The following ZMYND8 variants were observed in gnomAD, a reference collection of about 807,000 sequenced individuals.
ZMYND8 encodes the protein zinc finger MYND-type containing 8.
A neutral mutation model predicts 140.8 loss-of-function variants in ZMYND8; 37 were observed. That is an observed-to-expected ratio of 0.26 (90% CI 0.20 to 0.35). The LOEUF is 0.35. Ranked by LOEUF, ZMYND8 falls within the 10% of genes least tolerant of loss-of-function variation. The pLI, the probability that ZMYND8 is intolerant of heterozygous loss-of-function variation, is 1.00. For synonymous variants in ZMYND8, 592 were observed against 597.1 expected, an observed-to-expected ratio of 0.99 and a Z score of 0.12; for missense variants, 1,068 against 1,570.0, an observed-to-expected ratio of 0.68 and a Z score of 5.40.
At chr20:47,257,913 A>G (rs1280389340) in intron 12 of ZMYND8, among the ~76,000 whole-genome samples, 2 of 152,138 alleles carry the variant, frequency 1.3e-5, no homozygotes, top group Non-Finnish European at 2.9e-5. Context: ...GCTGGAGTGC[A>G]GTGATGCAAT....
intron 1 of ZMYND8, chr20:47,353,112 A>G (rs2082930532): frequency 6.6e-6 from 1 of 152,054 alleles, no homozygotes; most frequent in Non-Finnish European, 1.5e-5. Flanking sequence ...CAAAGACATC[A>G]CGCGTTGCAA....
chr20:47,247,848 A>C (rs2040753833), intron 13 of ZMYND8, among the ~76,000 whole-genome samples: 1 of 152,210 alleles, frequency 6.6e-6, no homozygotes, highest in Admixed American at 6.5e-5. Flanking sequence ...ATGGTGGTGC[A>C]CACCTGTGGT....
intron 20 of ZMYND8, among the ~76,000 whole-genome samples, chr20:47,221,031 C>T (rs940758857): frequency 6.6e-6 from 1 of 152,226 alleles, no homozygotes; most frequent in Non-Finnish European, 1.5e-5. Context: ...AGCTACCATT[C>T]TGGACGGGAA....
intron 20 of ZMYND8, 56 bp downstream of exon 20, chr20:47,221,258 G>C (rs897605401): frequency 1.9e-6 from 3 of 1,599,374 alleles, no homozygotes; most frequent in Non-Finnish European, 2.6e-6. Flanking sequence ...GGGGTCCTAA[G>C]TCCACTTGGC....
At chr20:47,257,845 TAG>T (rs146828907) in intron 12 of ZMYND8, among the ~76,000 whole-genome samples, 4,748 of 152,180 alleles carry the variant, frequency 0.031, 115 homozygotes, top group South Asian at 0.061. Flanking sequence ...CTGGCCCAAA[TAG>T]AGTTTTGGGG....
intron 14 of ZMYND8, among the ~76,000 whole-genome samples, chr20:47,240,343 C>T (rs1042134730): frequency 2.0e-5 from 3 of 151,932 alleles, no homozygotes; most frequent in Non-Finnish European, 4.4e-5. Flanking sequence ...AGTGAAACCC[C>T]GTCTCTACCG....
chr20:47,316,951 G>A (rs4283479), intron 2 of ZMYND8, among the ~76,000 whole-genome samples: 11,718 of 152,190 alleles, frequency 0.077, 1,466 homozygotes, highest in African/African-American at 0.26. Flanking sequence ...CCCAGGCAGT[G>A]AGGCTCCGAG....
chr20:47,340,416 C>T (rs1246770077), intron 2 of ZMYND8, among the ~76,000 whole-genome samples: 1 of 151,610 alleles, frequency 6.6e-6, no homozygotes, highest in Non-Finnish European at 1.5e-5. Context: ...GAGTTAGAGG[C>T]TATAGTGTAC....
At chr20:47,227,869 GA>G (rs987193981) in intron 17 of ZMYND8, among the ~76,000 whole-genome samples, 1 of 152,200 alleles carries the variant, frequency 6.6e-6, no homozygotes, top group African/African-American at 2.4e-5. Context: ...AAGGTGGGTA[GA>G]TCACCTGAGG....
At chr20:47,270,815 C>T (rs866537303) in intron 11 of ZMYND8, among the ~76,000 whole-genome samples, 17 of 151,828 alleles carry the variant, frequency 1.1e-4, no homozygotes, top group African/African-American at 3.9e-4. Flanking sequence ...CAGTGTCTCA[C>T]GCCTGTAATC....
intron 19 of ZMYND8, among the ~76,000 whole-genome samples, chr20:47,223,507 AAATAAT>A (rs35132615): frequency 1.6e-4 from 24 of 151,204 alleles, no homozygotes; most frequent in Middle Eastern, 3.2e-3. Flanking sequence ...CTCTGTCTCA[AAATAAT>A]AATAATAATA....
At chr20:47,218,429 T>C (rs988351804) in intron 21 of ZMYND8, among the ~76,000 whole-genome samples, 1 of 152,250 alleles carries the variant, frequency 6.6e-6, no homozygotes, top group African/African-American at 2.4e-5. Flanking sequence ...TATTGCTTAG[T>C]TCATGTTTTT....
At chr20:47,247,375 G>A (rs1340508284) in intron 13 of ZMYND8, among the ~76,000 whole-genome samples, 2 of 152,160 alleles carry the variant, frequency 1.3e-5, no homozygotes, top group Non-Finnish European at 2.9e-5. Context: ...CTGCACTCGT[G>A]GAAAGTCAAC....
intron 12 of ZMYND8, among the ~76,000 whole-genome samples, chr20:47,251,809 G>C (rs1007090674): frequency 5.0e-5 from 7 of 140,114 alleles, no homozygotes; most frequent in Non-Finnish European, 9.0e-5. Context: ...CACCGTCTGG[G>C]AAGTGAGGAG....
intron 16 of ZMYND8, among the ~76,000 whole-genome samples, chr20:47,233,628 C>T (rs1051547314): frequency 2.0e-5 from 3 of 152,230 alleles, no homozygotes; most frequent in Admixed American, 6.5e-5. Flanking sequence ...GTTAAGTGCA[C>T]ACTCTCTAGG....
At chr20:47,236,194 T>C (rs1041180985) in intron 16 of ZMYND8, 132 bp downstream of exon 16, 3 of 1,077,856 alleles carry the variant, frequency 2.8e-6, no homozygotes, top group African/African-American at 3.2e-5. Context: ...GGAGATTCTG[T>C]TTTTAAAAAA....
At chr20:47,310,274 G>A (rs896566058) in intron 2 of ZMYND8, 70 bp from the exon 3 acceptor site, 1 of 1,521,922 alleles carries the variant, frequency 6.6e-7, no homozygotes, top group Admixed American at 2.2e-5. Context: ...GAGGAGGTGT[G>A]GAGGAACCAA....
chr20:47,276,908 A>T, intron 10 of ZMYND8, 113 bp from the exon 11 acceptor site: 4 of 727,814 alleles, frequency 5.5e-6, no homozygotes, highest in Non-Finnish European at 7.3e-6. Context: ...TTCTTATTCT[A>T]TTAAAAAAAA....
chr20:47,227,372 T>C, intron 17 of ZMYND8, 91 bp from the exon 18 acceptor site: 1 of 1,248,266 alleles, frequency 8.0e-7, no homozygotes, highest in Non-Finnish European at 1.2e-6. Flanking sequence ...CTGTGAGGGG[T>C]ATGGGAATCA....
Sources: gnomAD v4.1 joint callset for allele counts (sites outside exome capture counted in the v4.1 genomes callset) on GRCh38, gnomAD v4.1.1 for gene constraint, MANE v1.5 for transcripts, NCBI Gene and HGNC (gene_info 2026-07-23, HGNC 2026-07-21) for gene names.